Variants in CDKAL1 observed in about 807,000 individuals in gnomAD.
CDKAL1 encodes the protein threonylcarbamoyladenosine tRNA methylthiotransferase.
Under a neutral mutation model 68.2 loss-of-function variants are expected in CDKAL1, and 32 were observed. That is an observed-to-expected ratio of 0.47 (90% CI 0.35 to 0.63). CDKAL1 has a LOEUF of 0.63. Among genes scored for constraint, CDKAL1 ranks in the 30% least tolerant of loss-of-function variants. CDKAL1 has a pLI of 0.00. For missense variants in CDKAL1, 606 were observed against 696.7 expected (o/e 0.87, Z 1.47); for synonymous variants, 234 against 244.3 (o/e 0.96, Z 0.39).
chr6:20,716,910 C>G (rs1354375198), intron 5 of CDKAL1, among the ~76,000 whole-genome samples: 1 of 151,984 alleles, frequency 6.6e-6, no homozygotes, highest in Non-Finnish European at 1.5e-5. Flanking sequence ...TAAGAATGTG[C>G]TCAGGAGGTT....
chr6:21,113,793 A>G (rs759836787), intron 13 of CDKAL1, among the ~76,000 whole-genome samples: 20 of 151,828 alleles, frequency 1.3e-4, no homozygotes, highest in Non-Finnish European at 2.5e-4. Context: ...AAAGAAAATT[A>G]GCCAGGTGTG....
intron 9 of CDKAL1, among the ~76,000 whole-genome samples, chr6:20,848,719 T>C (rs1758834496): frequency 6.6e-6 from 1 of 152,178 alleles, no homozygotes; most frequent in Admixed American, 6.5e-5. Context: ...ATGCTAGTTT[T>C]TGGACTGGTG....
intron 11 of CDKAL1, among the ~76,000 whole-genome samples, chr6:21,041,723 A>G (rs1769944686): frequency 6.6e-6 from 1 of 152,162 alleles, no homozygotes; most frequent in Non-Finnish European, 1.5e-5. Flanking sequence ...ATAGCATTTA[A>G]AATTTTTGAT....
chr6:21,230,430 G>A (rs1319393946), intron 15 of CDKAL1, among the ~76,000 whole-genome samples: 2 of 152,206 alleles, frequency 1.3e-5, no homozygotes, highest in Non-Finnish European at 2.9e-5. Flanking sequence ...CCAAAGTGCT[G>A]GGATTACAGG....
chr6:20,710,652 T>A (rs946449894), intron 5 of CDKAL1, among the ~76,000 whole-genome samples: 4 of 152,202 alleles, frequency 2.6e-5, no homozygotes, highest in African/African-American at 9.6e-5. Flanking sequence ...ATGAAATCTG[T>A]GGACTAGAAA....
At chr6:20,988,997 C>T (rs1272830092) in intron 10 of CDKAL1, among the ~76,000 whole-genome samples, 2 of 151,746 alleles carry the variant, frequency 1.3e-5, no homozygotes, top group African/African-American at 2.4e-5. Flanking sequence ...TGAAGTAGCG[C>T]GTGTCATTTC....
chr6:20,544,147 G>A (rs550433594), intron 2 of CDKAL1, among the ~76,000 whole-genome samples: 75 of 152,206 alleles, frequency 4.9e-4, no homozygotes, highest in African/African-American at 1.7e-3. Context: ...GCTCCAGCAC[G>A]AATTGTTTAA....
chr6:21,061,836 AT>A (rs1288199879), intron 11 of CDKAL1, among the ~76,000 whole-genome samples: 1 of 152,190 alleles, frequency 6.6e-6, no homozygotes, highest in Non-Finnish European at 1.5e-5. Context: ...CTTAAAAAAC[AT>A]TTTATAAGCA....
At chr6:21,112,813 C>T (rs1410598540) in intron 13 of CDKAL1, among the ~76,000 whole-genome samples, 2 of 152,176 alleles carry the variant, frequency 1.3e-5, no homozygotes, top group African/African-American at 4.8e-5. Context: ...TAAAACAGCT[C>T]AGAACCTCTA....
intron 6 of CDKAL1, among the ~76,000 whole-genome samples, chr6:20,749,422 C>T (rs1773816186): frequency 6.6e-6 from 1 of 152,170 alleles, no homozygotes; most frequent in Non-Finnish European, 1.5e-5. Context: ...CGGAGGTTCG[C>T]ATTGATGCCT....
chr6:20,819,987 G>A lies in CDKAL1; in HGVS notation c.639-26088G>A, dbSNP rs1777209898. Among the ~76,000 whole-genome samples the A allele has an allele frequency of 2.0e-5, 3 of 152,124 alleles. No individual in the cohort carries two copies. In the South Asian group the frequency reaches 6.2e-4, roughly 32 times the overall value. On this transcript the variant is annotated intron_variant, in intron 8 of 15. Coordinates refer to ENST00000274695, the MANE Select transcript of CDKAL1 (RefSeq NM_017774.3). ...AACCGCAGCAGCACTACGTAGAAGAGGCTTTCTCTGTCTAGAACTCCTATA... is the reference window on the plus strand; with the variant it reads ...AACCGCAGCAGCACTACGTAGAAGAAGCTTTCTCTGTCTAGAACTCCTATA...
intron 8 of CDKAL1, among the ~76,000 whole-genome samples, chr6:20,823,191 C>G (rs1319581242): frequency 6.6e-6 from 1 of 152,152 alleles, no homozygotes; most frequent in Non-Finnish European, 1.5e-5. Flanking sequence ...CTTTCTTACT[C>G]AAGGCCTGTC....
chr6:20,727,341 T>C (rs1465809484), intron 5 of CDKAL1, among the ~76,000 whole-genome samples: 1 of 152,142 alleles, frequency 6.6e-6, no homozygotes, highest in African/African-American at 2.4e-5. Context: ...AATAAAAACA[T>C]ACATATAACT....
chr6:20,637,871 G>A (rs1023593739), intron 4 of CDKAL1, among the ~76,000 whole-genome samples: 5 of 152,056 alleles, frequency 3.3e-5, no homozygotes, highest in African/African-American at 9.6e-5. Flanking sequence ...ATAGCCTACT[G>A]TATATATTTT....
At chr6:21,156,532 A>C (rs925767467) in intron 13 of CDKAL1, among the ~76,000 whole-genome samples, 2 of 150,950 alleles carry the variant, frequency 1.3e-5, no homozygotes, top group African/African-American at 4.9e-5. Context: ...TGCTTTTTCT[A>C]TATTTTTGAA....
chr6:21,111,200 C>T (rs1774104460), intron 13 of CDKAL1, among the ~76,000 whole-genome samples: 1 of 152,168 alleles, frequency 6.6e-6, no homozygotes, highest in African/African-American at 2.4e-5. Context: ...GTTTGCCTCT[C>T]TAGCTATATT....
At chr6:21,091,980 G>A (rs1355658223) in intron 12 of CDKAL1, among the ~76,000 whole-genome samples, 7 of 141,834 alleles carry the variant, frequency 4.9e-5, no homozygotes, top group East Asian at 4.3e-4. Context: ...TCCGCCTCCC[G>A]GGTTCACGCC....
At chr6:20,626,396 G>A (rs1332670646) in intron 4 of CDKAL1, among the ~76,000 whole-genome samples, 1 of 152,138 alleles carries the variant, frequency 6.6e-6, no homozygotes, top group Non-Finnish European at 1.5e-5. Context: ...TTGAATGAGA[G>A]AAAGGAAATG....
intron 9 of CDKAL1, among the ~76,000 whole-genome samples, chr6:20,874,877 G>A (rs915967247): frequency 2.0e-5 from 3 of 152,086 alleles, no homozygotes; most frequent in Admixed American, 2.0e-4. Context: ...GGGAAAGGAA[G>A]GTAATGTTAG....
Sources: gnomAD v4.1 joint callset for allele counts (sites outside exome capture counted in the v4.1 genomes callset) on GRCh38, gnomAD v4.1.1 for gene constraint, MANE v1.5 for transcripts, NCBI Gene and HGNC (gene_info 2026-07-23, HGNC 2026-07-21) for gene names.